The following TSPEAR variants were observed in gnomAD, a reference collection of about 807,000 sequenced individuals.
TSPEAR encodes the protein thrombospondin type laminin G domain and EAR repeats.
A neutral mutation model predicts 71.6 loss-of-function variants in TSPEAR; 69 were observed. That is an observed-to-expected ratio of 0.96 (90% CI 0.79 to 1.18). The LOEUF (loss-of-function observed/expected upper bound fraction) is 1.18. Among genes scored for constraint, TSPEAR ranks in the 50% most tolerant of loss-of-function variants. TSPEAR has a pLI of 0.00. For synonymous variants in TSPEAR, 402 were observed against 387.2 expected (o/e 1.04, Z -0.45); for missense variants, 971 against 894.9 (o/e 1.09, Z -1.09).
At chr21:44,534,102 A>G (rs2053035309) in intron 2 of TSPEAR, among the ~76,000 whole-genome samples, 179 bp from the exon 3 acceptor site, 1 of 125,006 alleles carries the variant, frequency 8.0e-6, no homozygotes, top group South Asian at 3.1e-4. Context: ...GGGCCTTCTA[A>G]TTAGCCCTCT....
At chr21:44,708,768 G>A (rs1988067745) in intron 1 of TSPEAR, among the ~76,000 whole-genome samples, 1 of 152,194 alleles carries the variant, frequency 6.6e-6, no homozygotes, top group Non-Finnish European at 1.5e-5. Flanking sequence ...TGCAGGGCAG[G>A]CACAGCCCGC....
At chr21:44,527,686 G>T (rs1400358300) in intron 6 of TSPEAR, among the ~76,000 whole-genome samples, 168 bp from the exon 7 acceptor site, 1 of 152,238 alleles carries the variant, frequency 6.6e-6, no homozygotes, top group Non-Finnish European at 1.5e-5. Context: ...GCCTGTCAAA[G>T]GGAGGCCACT....
At chr21:44,540,127 G>A in intron 2 of TSPEAR, 2 of 1,613,732 alleles carry the variant, frequency 1.2e-6, no homozygotes, top group Non-Finnish European at 8.5e-7. Flanking sequence ...CGCTGGAGCA[G>A]ACGGACATGG....
rs587616586 is a variant in TSPEAR at position 44,669,358 on chromosome 21, G to A, written c.82+42075C>T. 8.5e-5 allele frequency among the ~76,000 whole-genome samples: 13 copies of A among 152,318 alleles called. 1 individual carries two copies. In the South Asian group the frequency reaches 2.7e-3, roughly 32 times the overall value. On this transcript the variant is annotated intron_variant, in intron 1 of 11. Transcript: ENST00000323084. ...GAATCACTTGAACCCGGGAGGTGGAGTTTGCAGTGAGGTGAGATTGCACCA... is the reference window on the plus strand; with the variant it reads ...GAATCACTTGAACCCGGGAGGTGGAATTTGCAGTGAGGTGAGATTGCACCA...
intron 1 of TSPEAR, among the ~76,000 whole-genome samples, chr21:44,578,804 C>T (rs1555924314): frequency 1.3e-5 from 2 of 152,192 alleles, no homozygotes; most frequent in East Asian, 1.9e-4. Context: ...GGGCCTTGTC[C>T]ACCTGTGCCC....
intron 1 of TSPEAR, among the ~76,000 whole-genome samples, chr21:44,708,341 C>T (rs934391365): frequency 6.6e-6 from 1 of 152,060 alleles, no homozygotes; most frequent in South Asian, 2.1e-4. Context: ...GAGAAGGTGT[C>T]GCTGGCACAC....
chr21:44,600,342 C>A (rs1404526686), intron 1 of TSPEAR, among the ~76,000 whole-genome samples: 1 of 152,116 alleles, frequency 6.6e-6, no homozygotes, highest in Non-Finnish European at 1.5e-5. Flanking sequence ...GCTCTGGAGC[C>A]AAAGGTAGGT....
intron 1 of TSPEAR, among the ~76,000 whole-genome samples, chr21:44,607,710 T>C (rs1981404398): frequency 6.6e-6 from 1 of 152,048 alleles, no homozygotes; most frequent in African/African-American, 2.4e-5. Flanking sequence ...CAATACCGAG[T>C]GTCAGCAAAT....
At chr21:44,502,732 G>C (rs587656244) in intron 11 of TSPEAR, among the ~76,000 whole-genome samples, 1 of 152,396 alleles carries the variant, frequency 6.6e-6, no homozygotes, top group African/African-American at 2.4e-5. Flanking sequence ...ACTGGGCCCA[G>C]CCAATCTCGG....
At chr21:44,602,273 G>C (rs74492788) in intron 1 of TSPEAR, 1,990 of 165,342 alleles carry the variant, frequency 0.012, 15 homozygotes, top group Middle Eastern at 0.037. Flanking sequence ...CGAGGTCCCT[G>C]TCCTTCCCAG....
Position 44,518,339 on chromosome 21 carries a change from TCTGGGGCA to T in TSPEAR, c.1566+3536_1566+3543del, listed in dbSNP as rs774301537. On this transcript the variant is annotated intron_variant, in intron 9 of 11. Coordinates refer to ENST00000323084, the MANE Select transcript of TSPEAR (RefSeq NM_144991.3). ...GTGACACGCAGCTGGCCAGGTACGC[TCTGGGGCA>T]CTGGGGCATCTTGAGCACCTTGGTG... 4.5e-4 allele frequency: 208 copies of T among 464,332 alleles called. 1 individual carries two copies. Among genetic ancestry groups the T allele is most frequent in the Non-Finnish European group, 8.1e-4 (182 of 225,248 alleles). The allele number at this position is 464,332 out of a possible 1,614,324, so 28.8% of individuals were successfully genotyped here.
chr21:44,636,995 G>A (rs186318046), intron 1 of TSPEAR, among the ~76,000 whole-genome samples: 210 of 152,272 alleles, frequency 1.4e-3, no homozygotes, highest in African/African-American at 4.6e-3. Context: ...TCTCAGCCAC[G>A]CCAGCCCACC....
At chr21:44,559,773 T>G (rs2053607136) in intron 2 of TSPEAR, among the ~76,000 whole-genome samples, 1 of 152,214 alleles carries the variant, frequency 6.6e-6, no homozygotes, top group Non-Finnish European at 1.5e-5. Context: ...CATGGATCCC[T>G]CATCTCCTCA....
chr21:44,664,052 A>G (rs2146270528), intron 1 of TSPEAR, among the ~76,000 whole-genome samples: 1 of 152,312 alleles, frequency 6.6e-6, no homozygotes, highest in African/African-American at 2.4e-5. Context: ...ACAACAAAGC[A>G]AGAACATTCA....
intron 1 of TSPEAR, among the ~76,000 whole-genome samples, chr21:44,658,519 T>C (rs1985305965): frequency 6.6e-6 from 1 of 152,178 alleles, no homozygotes; most frequent in African/African-American, 2.4e-5. Context: ...GCCAAATAAA[T>C]CGGCTGTCCC....
At chr21:44,509,062 GGCC>G in intron 10 of TSPEAR, 134 bp downstream of exon 10, 1 of 1,384,986 alleles carries the variant, frequency 7.2e-7, no homozygotes, top group Non-Finnish European at 9.9e-7. Flanking sequence ...AAGGTCCCCA[GGCC>G]ATTCTTTCCA....
intron 1 of TSPEAR, chr21:44,601,426 G>A (rs201649719): frequency 5.8e-5 from 94 of 1,611,330 alleles, no homozygotes; most frequent in South Asian, 7.7e-5. Flanking sequence ...CTGCGTGCCC[G>A]TCTGCTGTAA....
At chr21:44,521,822 G>T (rs1268648603) in intron 9 of TSPEAR, 61 bp downstream of exon 9, 15 of 1,488,870 alleles carry the variant, frequency 1.0e-5, no homozygotes, top group Non-Finnish European at 1.4e-5. Context: ...TGTCCAGCAG[G>T]TGCAGGTGAC....
In TSPEAR at chr21:44,697,052, A is replaced by G. The variant is rs1007612888; in HGVS notation, c.82+14381T>C. On this transcript the variant is annotated intron_variant, in intron 1 of 11. Coordinates refer to ENST00000323084, the MANE Select transcript of TSPEAR (RefSeq NM_144991.3). ...CTCACTCACTCCCTCCCTCCTGCCC[A>G]TCCAGCACCCAGACGCTCACTCACT... The G allele has an allele frequency of 4.3e-6, 5 of 1,175,562 alleles. No individual in the cohort carries two copies. The African/African-American group carries it at 6.5e-5, about 15-fold the overall frequency. The allele number at this position is 1,175,562 out of a possible 1,614,324, so 72.8% of individuals were successfully genotyped here.
Sources: allele counts gnomAD v4.1 joint callset (sites outside exome capture counted in the v4.1 genomes callset), GRCh38; gene constraint gnomAD v4.1.1; transcripts MANE v1.5; gene names NCBI Gene and HGNC (gene_info 2026-07-23, HGNC 2026-07-21).